Variants in WIPI1 observed in about 807,000 individuals in gnomAD.
The protein encoded by WIPI1 is WD repeat domain phosphoinositide-interacting protein 1.
WIPI1 carries 45 observed loss-of-function variants against 55.3 expected under a neutral mutation model. The ratio of observed to expected loss-of-function variants is 0.81; its 90% CI spans 0.64 to 1.04. WIPI1 has a LOEUF of 1.04. Ranked by LOEUF, WIPI1 falls within the 50% of genes least tolerant of loss-of-function variation. WIPI1 has a pLI of 0.00. For missense variants in WIPI1, 445 were observed against 559.0 expected (o/e 0.80, Z 2.06); for synonymous variants, 195 against 217.6 (o/e 0.90, Z 0.92).
At chr17:68,441,241 C>G (rs1007961541) in intron 4 of WIPI1, 2 of 152,204 alleles carry the variant, frequency 1.3e-5, no homozygotes, top group African/African-American at 4.8e-5. Context: ...AGGAAACAGC[C>G]TGCAATCTCT....
At chr17:68,433,024 AAGCGCTC>A (rs1323968133) in intron 8 of WIPI1, among the ~76,000 whole-genome samples, 1 of 152,184 alleles carries the variant, frequency 6.6e-6, no homozygotes, top group Non-Finnish European at 1.5e-5. Context: ...GGTGCTTCCC[AAGCGCTC>A]AGTGGTGCTG....
chr17:68,442,081 C>T (rs944175800), intron 4 of WIPI1, among the ~76,000 whole-genome samples: 1 of 152,178 alleles, frequency 6.6e-6, no homozygotes, highest in East Asian at 1.9e-4. Context: ...ACTTTTAAAC[C>T]TTATTTTCTC....
intron 1 of WIPI1, among the ~76,000 whole-genome samples, chr17:68,454,114 G>C (rs925571687): frequency 6.6e-6 from 1 of 152,170 alleles, no homozygotes; most frequent in African/African-American, 2.4e-5. Flanking sequence ...AGGAGATAAA[G>C]ACAGGACGTG....
At chr17:68,434,747 C>T (rs2083700676) in intron 6 of WIPI1, 121 bp from the exon 7 acceptor site, 1 of 943,764 alleles carries the variant, frequency 1.1e-6, no homozygotes, top group South Asian at 1.6e-5. Flanking sequence ...AAGAACACCA[C>T]GTTGAGCATA....
chr17:68,456,869 T>C (rs2084657176), intron 1 of WIPI1, among the ~76,000 whole-genome samples: 1 of 152,232 alleles, frequency 6.6e-6, no homozygotes, highest in Non-Finnish European at 1.5e-5. Flanking sequence ...AGATGCCACG[T>C]TGAGATGCTC....
At chr17:68,448,752 T>C (rs753090131) in intron 3 of WIPI1, among the ~76,000 whole-genome samples, 3 of 152,232 alleles carry the variant, frequency 2.0e-5, no homozygotes, top group Non-Finnish European at 4.4e-5. Flanking sequence ...TACGGATTAC[T>C]ACTATATGCA....
chr17:68,436,368 C>A lies in WIPI1; in HGVS notation c.528+14G>T. 1 of 1,612,776 alleles carries A rather than the reference C, an allele frequency of 6.2e-7. No individual in the cohort carries two copies. The highest frequency in any genetic ancestry group is 8.5e-7 in the Non-Finnish European group (1 of 1,178,876). On this transcript the variant is annotated intron_variant, in intron 5 of 12. Coordinates refer to ENST00000262139, the MANE Select transcript of WIPI1 (RefSeq NM_017983.7). ...GGCAGGTGGGTTGGCTCAGCCAGGTCACCGTCAACTTACCAGGGAGTTTCC... is the reference window on the plus strand; with the variant it reads ...GGCAGGTGGGTTGGCTCAGCCAGGTAACCGTCAACTTACCAGGGAGTTTCC...
intron 3 of WIPI1, among the ~76,000 whole-genome samples, chr17:68,449,324 C>T (rs931528921): frequency 6.6e-5 from 10 of 152,226 alleles, no homozygotes; most frequent in African/African-American, 2.4e-4. Context: ...CACACCAGCA[C>T]AGTGCCTGCC....
At chr17:68,441,139 T>G (rs1600343805) in intron 4 of WIPI1, 1 of 152,328 alleles carries the variant, frequency 6.6e-6, no homozygotes, top group East Asian at 1.9e-4. Context: ...TTGGCAGGAC[T>G]TTCATGGAGA....
intron 9 of WIPI1, 143 bp downstream of exon 9, chr17:68,429,853 T>TGA: frequency 8.4e-7 from 1 of 1,190,166 alleles, no homozygotes; most frequent in South Asian, 1.3e-5. Flanking sequence ...CCTCCCAAGG[T>TGA]TCCGGGATTA....
At position 68,428,833 on chromosome 17, in the gene WIPI1, G is replaced by A. The variant is rs1600277824; in HGVS notation, c.1069C>T (p.His357Tyr). Reference protein sequence around the residue: ...DGGECVLIKTHSLLGSGTTEE... With the variant: ...DGGECVLIKTYSLLGSGTTEE... ...TTTGAAAAGCAGTCTCTTCACCTGT[G>A]GGTTTTGATTAAGACACACTCTCCT... Residue 357 changes from histidine to tyrosine, a missense_variant, in exon 10 of 13, where the codon CAC becomes TAC. Transcript: ENST00000262139. 1 of 1,612,136 alleles carries A rather than the reference G, an allele frequency of 6.2e-7. No individual in the cohort carries two copies. The highest frequency in any genetic ancestry group is 8.5e-7 in the Non-Finnish European group (1 of 1,178,412).
chr17:68,455,790 A>T (rs1351385146), intron 1 of WIPI1, among the ~76,000 whole-genome samples: 1 of 152,244 alleles, frequency 6.6e-6, no homozygotes, highest in Non-Finnish European at 1.5e-5. Context: ...AGTATAAATT[A>T]ACACCCTTTT....
Position 68,435,185 on chromosome 17 carries a change from C to T in WIPI1, c.621+435G>A, listed in dbSNP as rs537813809. 4.1e-5 allele frequency among the ~76,000 whole-genome samples: 6 copies of T among 145,738 alleles called. No homozygotes were observed. The East Asian group carries it at 6.0e-4, about 15-fold the overall frequency. On this transcript the variant is annotated intron_variant, in intron 6 of 12. Coordinates refer to ENST00000262139, the MANE Select transcript of WIPI1 (RefSeq NM_017983.7). Reference sequence around the variant, plus strand: ...TTGCGCCATTGCACTCCAGCCTGGGCGACAGAGCTAGACTCCACCTCAAAA... The same window carrying T: ...TTGCGCCATTGCACTCCAGCCTGGGTGACAGAGCTAGACTCCACCTCAAAA...
intron 6 of WIPI1, 56 bp downstream of exon 6, chr17:68,435,564 A>C (rs1033450153): frequency 1.9e-6 from 3 of 1,547,530 alleles, no homozygotes; most frequent in Admixed American, 1.7e-5. Context: ...ATCCCTGCGC[A>C]CGGCAGGAGC....
At position 68,423,937 on chromosome 17, in the gene WIPI1, C is replaced by T. The variant is rs375805718; in HGVS notation, c.1294-2117G>A. ...CAGACTTTTACCAAAATTAGTGAAA[C>T]GGAACCTAGTGAGTGTCTGGATGTG... On this transcript the variant is annotated intron_variant, in intron 12 of 12. Transcript: ENST00000262139. This position sits in a 1 kb window ranked among gnomAD's most constrained non-coding sequence, Gnocchi z 4.4. Among the ~76,000 whole-genome samples, 4 of 152,266 alleles carry T rather than the reference C, an allele frequency of 2.6e-5. No individual in the cohort carries two copies. The highest frequency in any genetic ancestry group is 3.9e-4 in the East Asian group (2 of 5,178).
chr17:68,426,597 A>T (rs1435756153), intron 11 of WIPI1, among the ~76,000 whole-genome samples: 2 of 152,156 alleles, frequency 1.3e-5, no homozygotes, highest in African/African-American at 4.8e-5. Context: ...CAGTGGTATG[A>T]TCTCAGCTCA....
intron 5 of WIPI1, 108 bp from the exon 6 acceptor site, chr17:68,435,820 C>T: frequency 2.1e-6 from 2 of 970,856 alleles, no homozygotes; most frequent in Non-Finnish European, 3.2e-6. Flanking sequence ...GTCCAGCTCC[C>T]TGTCTCTTCC....
At chr17:68,436,243 CCTT>C in intron 5 of WIPI1, 136 bp downstream of exon 5, 3 of 742,490 alleles carry the variant, frequency 4.0e-6, no homozygotes, top group Non-Finnish European at 6.9e-6. Flanking sequence ...AATAGTATCA[CCTT>C]CTCTTGAACA....
chr17:68,425,364 C>A (rs1054487739), intron 12 of WIPI1, among the ~76,000 whole-genome samples: 1 of 148,592 alleles, frequency 6.7e-6, no homozygotes, highest in East Asian at 2.0e-4. Flanking sequence ...ACACCACACC[C>A]GGCTAATTTT....
Sources: gnomAD v4.1 joint callset for allele counts (sites outside exome capture counted in the v4.1 genomes callset) on GRCh38, gnomAD v4.1.1 for gene constraint, Gnocchi (gnomAD v3.1) non-coding constraint, MANE v1.5 for transcripts, NCBI Gene and HGNC (gene_info 2026-07-23, HGNC 2026-07-21) for gene names.